The following GRIP2 variants were observed in gnomAD, a reference collection of about 807,000 sequenced individuals.
GRIP2 encodes the protein glutamate receptor-interacting protein 2.
Under a neutral mutation model 108.3 loss-of-function variants are expected in GRIP2, and 58 were observed. The ratio of observed to expected loss-of-function variants is 0.54; its 90% CI spans 0.43 to 0.67. GRIP2 has a LOEUF of 0.67. Ranked by LOEUF, GRIP2 falls within the 30% of genes least tolerant of loss-of-function variation. The pLI is 0.00. For missense variants in GRIP2, 1,278 were observed against 1,430.6 expected, an observed-to-expected ratio of 0.89 and a Z score of 1.72; for synonymous variants, 586 against 598.2, an observed-to-expected ratio of 0.98 and a Z score of 0.30.
chr3:14,602,097 T>G, the GRIP2 span: 5 of 152,300 alleles, frequency 3.3e-5, no homozygotes, highest in Non-Finnish European at 7.3e-5. This position sits in a 1 kb window ranked among gnomAD's most constrained non-coding sequence, Gnocchi z 4.7. Flanking sequence ...CCCCCCAAAG[T>G]GAGCAGCGGG....
chr3:14,501,861 A>C (rs1039100073), intron 21 of GRIP2, among the ~76,000 whole-genome samples: 4 of 152,232 alleles, frequency 2.6e-5, no homozygotes, highest in Non-Finnish European at 4.4e-5. Flanking sequence ...CAAATGAATT[A>C]AAGATAATTG....
intron 20 of GRIP2, among the ~76,000 whole-genome samples, chr3:14,504,861 C>A (rs1037294765): frequency 6.6e-6 from 1 of 152,178 alleles, no homozygotes; most frequent in African/African-American, 2.4e-5. Context: ...TATGTCTGAG[C>A]ACCTACTAGG....
chr3:14,593,184 G>A, the GRIP2 span, among the ~76,000 whole-genome samples: 1 of 152,220 alleles, frequency 6.6e-6, no homozygotes. Context: ...TGACACCCTT[G>A]TCTGCCTGGG....
chr3:14,493,682 T>C lies in GRIP2; in HGVS notation c.3115A>G (p.Ser1039Gly), dbSNP rs372925368. ...TGCTGACTTCAGAGCATCCGGGGAC[T>C]GCTGGGGCCTGGCGATCGGGGGGCC... is the stretch of plus-strand genomic sequence containing the variant. ...SRAPRSPGPS[S>G]PRML The change falls in exon 24 of 24, where the codon AGT becomes GGT. Residue 1039 changes from serine (S) to glycine (G), a missense_variant. Physicochemically the swap from Ser to Gly is moderately conservative, Grantham distance 56. Coordinates refer to ENST00000621039, the MANE Select transcript of GRIP2 (RefSeq NM_001080423.4). The C allele has an allele frequency of 1.6e-3, 2,617 of 1,604,878 alleles. 6 individuals are homozygous for C. The highest frequency in any genetic ancestry group is 2.1e-3 in the Middle Eastern group (12 of 5,620).
At chr3:14,546,713 CAACT>C (rs1179301287), upstream of GRIP2, among the ~76,000 whole-genome samples, 5 of 152,288 alleles carry the variant, frequency 3.3e-5, no homozygotes, top group East Asian at 1.9e-4. Context: ...AGAGGTGTCC[CAACT>C]AACTGTCACC....
At position 14,521,710 on chromosome 3, in the gene GRIP2, G is replaced by C; in HGVS notation, c.644C>G (p.Ala215Gly). ...GCTGCACTGCCGCAGGGTGGCCAGG[G>C]CGGTGGCATGGCTGGCCCCGTGCAG... ...IPLHGASHAT[A>G]LATLRQCSHE... is the part of the protein sequence containing the mutation. The change falls in exon 7 of 24, where the codon GCC (alanine) becomes GGC (glycine). Residue 215 changes from alanine to glycine, a missense_variant. Coordinates refer to ENST00000621039, the MANE Select transcript of GRIP2 (RefSeq NM_001080423.4). This position sits in a 1 kb window ranked among gnomAD's most constrained non-coding sequence, Gnocchi z 5.1. 6.2e-7 allele frequency: 1 copy of C among 1,611,480 alleles called. No homozygotes were observed. Among genetic ancestry groups the C allele is most frequent in the South Asian group, 1.1e-5 (1 of 90,474 alleles).
the GRIP2 span, among the ~76,000 whole-genome samples, chr3:14,599,709 GTGTT>G: frequency 2.7e-5 from 4 of 149,436 alleles, no homozygotes; most frequent in East Asian, 2.0e-4. Flanking sequence ...GTGTGTGTGT[GTGTT>G]TGTGTGTGTG....
chr3:14,562,752 C>T, the GRIP2 span, among the ~76,000 whole-genome samples: 226 of 109,542 alleles, frequency 2.1e-3, 2 homozygotes, highest in African/African-American at 7.7e-3. Flanking sequence ...AGACGGTCCT[C>T]GGACTCCCGG....
chr3:14,583,227 G>A, the GRIP2 span, among the ~76,000 whole-genome samples: 1 of 152,312 alleles, frequency 6.6e-6, no homozygotes, highest in East Asian at 1.9e-4. Flanking sequence ...AGCAGCAGGA[G>A]AGACTGACTG....
chr3:14,569,132 G>A, the GRIP2 span, among the ~76,000 whole-genome samples: 1 of 152,308 alleles, frequency 6.6e-6, no homozygotes, highest in South Asian at 2.1e-4. Context: ...CGCCTTATGG[G>A]GCTTTGCCTC....
upstream of GRIP2, among the ~76,000 whole-genome samples, chr3:14,546,421 G>A (rs1245438170): frequency 6.6e-6 from 1 of 152,168 alleles, no homozygotes; most frequent in African/African-American, 2.4e-5. Context: ...ATGGCACGGG[G>A]GTGAGGGGTC....
chr3:14,520,602 C>A, intron 7 of GRIP2, 65 bp from the exon 8 acceptor site: 1 of 1,550,832 alleles, frequency 6.4e-7, no homozygotes, highest in South Asian at 1.1e-5. Flanking sequence ...CAGCCTCACC[C>A]TGCTATCCTG....
chr3:14,574,379 G>T, the GRIP2 span: 1 of 893,806 alleles, frequency 1.1e-6, no homozygotes, highest in Non-Finnish European at 1.8e-6. Flanking sequence ...GCCCCGCGGT[G>T]CTCACCATCT....
chr3:14,571,092 G>A, the GRIP2 span, among the ~76,000 whole-genome samples: 16 of 152,134 alleles, frequency 1.1e-4, no homozygotes, highest in African/African-American at 3.4e-4. Context: ...TCCAGAGATT[G>A]CCAAATGTCC....
At chr3:14,503,980 G>T in intron 20 of GRIP2, 1 of 392,328 alleles carries the variant, frequency 2.5e-6, no homozygotes, top group Admixed American at 4.3e-5. Context: ...AGGACAAACA[G>T]ACGAACAGAC....
intron 4 of GRIP2, chr3:14,523,928 G>A (rs1694480867): frequency 3.6e-6 from 2 of 554,892 alleles, no homozygotes; most frequent in Non-Finnish European, 3.2e-6. Flanking sequence ...TGCTCACAGA[G>A]ACGACGGCAG....
At chr3:14,589,649 G>A in the GRIP2 span, among the ~76,000 whole-genome samples, 4 of 152,220 alleles carry the variant, frequency 2.6e-5, no homozygotes, top group African/African-American at 4.8e-5. Context: ...AGGAACGGCC[G>A]GGTCAAAGAG....
intron 1 of GRIP2, among the ~76,000 whole-genome samples, chr3:14,531,419 A>G (rs4685192): frequency 0.41 from 62,824 of 152,036 alleles, 14,174 homozygotes; most frequent in South Asian, 0.61. Context: ...CACCTGCTGG[A>G]CCCCAGCCTC....
chr3:14,510,581 AAAAG>A (rs1424067520), intron 16 of GRIP2, among the ~76,000 whole-genome samples: 10 of 151,096 alleles, frequency 6.6e-5, no homozygotes, highest in African/African-American at 2.2e-4. Flanking sequence ...TTCTTAAAAG[AAAAG>A]AAAAGAAAAG....
Sources: allele counts gnomAD v4.1 joint callset (sites outside exome capture counted in the v4.1 genomes callset), GRCh38; gene constraint gnomAD v4.1.1; non-coding constraint Gnocchi (gnomAD v3.1); transcripts MANE v1.5; gene names NCBI Gene and HGNC (gene_info 2026-07-23, HGNC 2026-07-21).